PYGM: variants seen among roughly 807,000 people sequenced by gnomAD.
PYGM encodes glycogen phosphorylase, muscle associated.
PYGM carries 81 observed loss-of-function variants against 99.3 expected under a neutral mutation model. That is an observed-to-expected ratio of 0.82 (90% CI 0.68 to 0.98). PYGM has a LOEUF of 0.98. Ranked by LOEUF, PYGM falls within the 50% of genes least tolerant of loss-of-function variation. The pLI is 0.00. For missense variants in PYGM, 1,030 were observed against 1,158.1 expected (o/e 0.89, Z 1.61); for synonymous variants, 436 against 451.5 (o/e 0.97, Z 0.44).
At chr11:64,753,316 G>C (rs2058369496) in intron 11 of PYGM, 129 bp from the exon 12 acceptor site, 1 of 1,198,822 alleles carries the variant, frequency 8.3e-7, no homozygotes, top group Non-Finnish European at 1.2e-6. Flanking sequence ...GGGAAGGTTG[G>C]GGGTGCTGTG....
Position 64,754,867 on chromosome 11 carries a change from G to A in PYGM, c.856-31C>T, listed in dbSNP as rs2135835625. 6.2e-7 allele frequency: 1 copy of A among 1,612,080 alleles called. No individual in the cohort carries two copies. Among genetic ancestry groups the A allele is most frequent in the Non-Finnish European group, 8.5e-7 (1 of 1,179,756 alleles). On this transcript the variant is annotated intron_variant, in intron 7 of 19. Transcript: ENST00000164139. This position sits in a 1 kb window ranked among gnomAD's most constrained non-coding sequence, Gnocchi z 5.5. ...GACAGCATGAGGCAGCGTGAGTCAG[G>A]GCGGTGGGGGCATGGCCTAAAGCTG...
intron 13 of PYGM, 29 bp from the exon 14 acceptor site, chr11:64,752,100 C>A: frequency 6.2e-7 from 1 of 1,613,888 alleles, no homozygotes; most frequent in Non-Finnish European, 8.5e-7. Flanking sequence ...AAGGGCTCAC[C>A]AACAGGCCAC....
rs551691529 is a variant in PYGM at position 64,759,614 on chromosome 11, C to T, written c.243+42G>A. 2.3e-5 allele frequency: 37 copies of T among 1,608,970 alleles called. No individual in the cohort carries two copies. In the South Asian group the frequency reaches 3.4e-4, roughly 15 times the overall value. On this transcript the variant is annotated intron_variant, in intron 1 of 19. Transcript: ENST00000164139. ...GTCAAGATCGCCAGCTCCCTGGCAG[C>T]GCCTTCAGCCCATACCCCCACCCCA... is the stretch of plus-strand genomic sequence containing the variant.
chr11:64,754,039 T>C lies in PYGM; in HGVS notation c.1093-14A>G. ...CACATCCCACGCCTGGCACACGGGG[T>C]GGGCAGTCAGGATGCTGACCTCAGC... On this transcript the variant is annotated splice_polypyrimidine_tract_variant and intron_variant, in intron 9 of 19. Transcript: ENST00000164139. The surrounding 1 kb of genome is among the most constrained non-coding windows in gnomAD (Gnocchi z 5.5). 1 of 1,596,500 alleles carries C rather than the reference T, an allele frequency of 6.3e-7. No homozygotes were observed. The highest frequency in any genetic ancestry group is 8.5e-7 in the Non-Finnish European group (1 of 1,171,678).
chr11:64,750,411 C>T lies in PYGM; in HGVS notation c.2142G>A (p.Met714Ile). The change falls in exon 17 of 20, where the codon ATG (methionine) becomes ATA (isoleucine). Residue 714 changes from methionine (M) to isoleucine (I), a missense_variant. Transcript: ENST00000164139. ...AGEENFFIFG[M>I]RVEDVDKLDQ... is the part of the protein sequence containing the mutation. Reference sequence around the variant, plus strand: ...CAAGCTTATCCACATCCTCCACCCGCATGCCAAAGATGAAGAAGTTTTCCT... The same window carrying T: ...CAAGCTTATCCACATCCTCCACCCGTATGCCAAAGATGAAGAAGTTTTCCT... The T allele has an allele frequency of 1.2e-6, 2 of 1,614,214 alleles. No individual in the cohort carries two copies. The highest frequency in any genetic ancestry group is 1.7e-6 in the Non-Finnish European group (2 of 1,180,052).
Position 64,759,764 on chromosome 11 carries a change from A to G in PYGM, c.135T>C (p.Asn45=), listed in dbSNP as rs2058421873. ...AGTAGTAGTCTCGTGGGGTGGCCAC[A>G]TTGCGGTCCTTTACGAGTGTGAAAT... ...HLHFTLVKDR[N]VATPRDYYFA... Residue 45 remains asparagine (N), a synonymous_variant, in exon 1 of 20, where the codon AAT becomes AAC. Transcript: ENST00000164139. The G allele has an allele frequency of 6.2e-7, 1 of 1,614,120 alleles. No homozygotes were observed. Among genetic ancestry groups the G allele is most frequent in the Non-Finnish European group, 8.5e-7 (1 of 1,180,030 alleles).
Position 64,754,096 on chromosome 11 carries a change from A to G in PYGM, c.1093-71T>C. 5 of 1,604,384 alleles carry G rather than the reference A, an allele frequency of 3.1e-6. No individual in the cohort carries two copies. The highest frequency in any genetic ancestry group is 3.4e-6 in the Non-Finnish European group (4 of 1,174,870). On this transcript the variant is annotated intron_variant, in intron 9 of 19. Coordinates refer to ENST00000164139, the MANE Select transcript of PYGM (RefSeq NM_005609.4). This position sits in a 1 kb window ranked among gnomAD's most constrained non-coding sequence, Gnocchi z 5.5. ...GGTCTCCTCACACACTACGCATCCC[A>G]GTGGGCCCCCCCACTGCAGTGCCAG...
Position 64,754,807 on chromosome 11 carries a change from C to T in PYGM, c.885G>A (p.Lys295=). ...NFFEGKELRL[K]QEYFVVAATL... Reference sequence around the variant, plus strand: ...TGGCAGCCACCACGAAATACTCCTGCTTCAGCCGCAGCTCCTTCCCTTCGA... The same window carrying T: ...TGGCAGCCACCACGAAATACTCCTGTTTCAGCCGCAGCTCCTTCCCTTCGA... Residue 295 remains lysine (K), a synonymous_variant, in exon 8 of 20, where the codon AAG becomes AAA. Coordinates refer to ENST00000164139, the MANE Select transcript of PYGM (RefSeq NM_005609.4). The surrounding 1 kb of genome is among the most constrained non-coding windows in gnomAD (Gnocchi z 5.5). 1 of 1,613,992 alleles carries T rather than the reference C, an allele frequency of 6.2e-7. No individual in the cohort carries two copies. The highest frequency in any genetic ancestry group is 8.5e-7 in the Non-Finnish European group (1 of 1,180,004).
intron 17 of PYGM, among the ~76,000 whole-genome samples, chr11:64,749,657 TTAAAA>T (rs965926219): frequency 6.6e-6 from 1 of 151,670 alleles, no homozygotes; most frequent in Non-Finnish European, 1.5e-5. Context: ...AAAAAATACA[TTAAAA>T]TAAAATAAAA....
chr11:64,753,018 G>A, intron 12 of PYGM, 55 bp downstream of exon 12: 1 of 1,468,360 alleles, frequency 6.8e-7, no homozygotes, highest in South Asian at 1.1e-5. Context: ...ACCATACCCA[G>A]CTGATCCCTG....
chr11:64,747,051 A>G (rs1443717193), intron 18 of PYGM, 64 bp from the exon 19 acceptor site: 1 of 1,592,414 alleles, frequency 6.3e-7, no homozygotes, highest in East Asian at 2.2e-5. Context: ...CTATGAGGTC[A>G]AGGGCCAAGC....
Position 64,750,588 on chromosome 11 carries a change from G to A in PYGM, c.1970-5C>T, listed in dbSNP as rs1414755282. The A allele has an allele frequency of 3.1e-6, 5 of 1,613,624 alleles. No individual in the cohort carries two copies. The highest frequency in any genetic ancestry group is 4.2e-6 in the Non-Finnish European group (5 of 1,179,878). On this transcript the variant is annotated splice_polypyrimidine_tract_variant and splice_region_variant and intron_variant, in intron 16 of 19. Coordinates refer to ENST00000164139, the MANE Select transcript of PYGM (RefSeq NM_005609.4). ...AGAGGTCTGCAGCTGGGATCACTGTGGGGTGGCAGCAGGGGGACAAGTCAA... is the reference window on the plus strand; with the variant it reads ...AGAGGTCTGCAGCTGGGATCACTGTAGGGTGGCAGCAGGGGGACAAGTCAA...
Position 64,750,376 on chromosome 11 carries a change from C to G in PYGM, c.2177G>C (p.Gly726Ala). 4 of 1,614,094 alleles carry G rather than the reference C, an allele frequency of 2.5e-6. No individual in the cohort carries two copies. Among genetic ancestry groups the G allele is most frequent in the Non-Finnish European group, 3.4e-6 (4 of 1,179,998 alleles). ...TGCCCGTGAACCCTGACCCCCATAC[C>G]CTCTTTGGTCAAGCTTATCCACATC... is the stretch of plus-strand genomic sequence containing the variant. The part of the protein sequence containing the change: ...VEDVDKLDQR[G>A]YNAQEYYDRI... Residue 726 changes from glycine (G) to alanine (A), a missense_variant and splice_region_variant, in exon 17 of 20, where the codon GGG (glycine) becomes GCG (alanine). Physicochemically the swap from Gly to Ala is moderately conservative, Grantham distance 60. Transcript: ENST00000164139.
rs1565530516 is a variant in PYGM at position 64,746,581 on chromosome 11, C to T, written c.*78G>A. On this transcript the variant is annotated 3_prime_UTR_variant, in exon 20 of 20. Coordinates refer to ENST00000164139, the MANE Select transcript of PYGM (RefSeq NM_005609.4). ...TTAGAGATCTAACTCCAGTACCCCACCCTCTGCATGAGGTGCTGGGGCTGG... is the reference window on the plus strand; with the variant it reads ...TTAGAGATCTAACTCCAGTACCCCATCCTCTGCATGAGGTGCTGGGGCTGG... 2 of 1,579,220 alleles carry T rather than the reference C, an allele frequency of 1.3e-6. No individual in the cohort carries two copies. Among genetic ancestry groups the T allele is most frequent in the Non-Finnish European group, 1.7e-6 (2 of 1,152,988 alleles).
upstream of PYGM, chr11:64,760,175 T>G: frequency 4.2e-6 from 2 of 478,048 alleles, no homozygotes; most frequent in African/African-American, 2.0e-5. Flanking sequence ...GCTGACCCAC[T>G]TCCTCCAGGC....
In PYGM at chr11:64,754,949, CG is replaced by C. The variant is rs541443820; in HGVS notation, c.856-114del. On this transcript the variant is annotated intron_variant, in intron 7 of 19. Transcript: ENST00000164139. This position sits in a 1 kb window ranked among gnomAD's most constrained non-coding sequence, Gnocchi z 5.5. ...ATACCGGGACCCCTGAGCCCTGAGC[CG>C]GCCCCCTCTCTGGGACCCAGGGGCC... 2.9e-4 allele frequency: 423 copies of C among 1,448,548 alleles called. No homozygotes were observed. The African/African-American group carries it at 5.7e-3, about 19-fold the overall frequency. The allele number at this position is 1,448,548 out of a possible 1,614,324, so 89.7% of individuals were successfully genotyped here.
rs149985911 is a variant in PYGM, at chr11:64,747,255, C to A, written c.2281G>T (p.Asp761Tyr). ...TGGTGCATGAGCATATTGACAATGT[C>A]CTTGAACAGGTCGGGCTGTTTGGGG... is the stretch of plus-strand genomic sequence containing the variant. ...FSPKQPDLFK[D>Y]IVNMLMHHDR... The change falls in exon 18 of 20, where the codon GAC becomes TAC. Residue 761 changes from aspartate to tyrosine, a missense_variant. Physicochemically the swap from Asp to Tyr is radical, Grantham distance 160 (BLOSUM62 -3). Coordinates refer to ENST00000164139, the MANE Select transcript of PYGM (RefSeq NM_005609.4). The A allele has an allele frequency of 3.4e-5, 55 of 1,614,190 alleles. No individual in the cohort carries two copies. Among genetic ancestry groups the A allele is most frequent in the Non-Finnish European group, 4.7e-5 (55 of 1,180,006 alleles).
At chr11:64,747,626 C>T (rs948351959) in intron 17 of PYGM, 37 of 495,732 alleles carry the variant, frequency 7.5e-5, no homozygotes, top group African/African-American at 6.6e-4. Flanking sequence ...GCTCTTTTCT[C>T]CCACACGCCA....
In PYGM at chr11:64,749,516, C is replaced by CAGCAGGCGTGG. The variant is rs1369374545; in HGVS notation, c.2177+859_2177+860insCCACGCCTGCT. On this transcript the variant is annotated intron_variant, in intron 17 of 19. Coordinates refer to ENST00000164139, the MANE Select transcript of PYGM (RefSeq NM_005609.4). ...AATTAGCCAGGCGTGGCAGCAGGTG[C>CAGCAGGCGTGG]CTGTAGTCCCAGCTACTCGGGAGGT... 6.7e-4 allele frequency among the ~76,000 whole-genome samples: 100 copies of CAGCAGGCGTGG among 150,354 alleles called. 1 individual carries two copies. Among genetic ancestry groups the CAGCAGGCGTGG allele is most frequent in the African/African-American group, 2.4e-3 (98 of 40,824 alleles).
Sources: allele counts gnomAD v4.1 joint callset (sites outside exome capture counted in the v4.1 genomes callset), GRCh38; gene constraint gnomAD v4.1.1; non-coding constraint Gnocchi (gnomAD v3.1); transcripts MANE v1.5; gene names NCBI Gene and HGNC (gene_info 2026-07-23, HGNC 2026-07-21).